Variants in DNAI1 observed in about 807,000 individuals in gnomAD.
DNAI1 encodes the protein dynein axonemal intermediate chain 1, also known as dynein, axonemal, intermediate polypeptide 1.
A neutral mutation model predicts 92.0 loss-of-function variants in DNAI1; 67 were observed. The observed-to-expected ratio is 0.73, with a 90% CI of 0.60 to 0.89. DNAI1 has a LOEUF of 0.89. Among genes scored for constraint, DNAI1 ranks in the 40% least tolerant of loss-of-function variants. The probability of loss-of-function intolerance (pLI) is 0.00; values close to 1 mark genes in which losing one functional copy is unlikely to be tolerated. For missense variants in DNAI1, 839 were observed against 866.6 expected (o/e 0.97, Z 0.40); for synonymous variants, 323 against 319.6 (o/e 1.01, Z -0.11).
chr9:34,468,216 C>G (rs569916334), intron 1 of DNAI1, among the ~76,000 whole-genome samples: 8 of 151,510 alleles, frequency 5.3e-5, no homozygotes, highest in Admixed American at 1.3e-4. Flanking sequence ...GCGTCTCGCT[C>G]TGTCTGCCAG....
rs147469181 is a variant in DNAI1 at position 34,514,489 on chromosome 9, C to T, written c.1665C>T (p.Val555=). Residue 555 remains valine (V), a synonymous_variant, in exon 17 of 20, where the codon GTC becomes GTT. Coordinates refer to ENST00000242317, the MANE Select transcript of DNAI1 (RefSeq NM_012144.4). ...CCTGGAACCCATACCACACCAAGGT[C>T]TTCATGTCCTGCAGCTCCGACTGGA... ...TVSWNPYHTK[V]FMSCSSDWTV... The T allele has an allele frequency of 6.2e-6, 10 of 1,614,122 alleles. No individual in the cohort carries two copies. Among genetic ancestry groups the T allele is most frequent in the Non-Finnish European group, 8.5e-6 (10 of 1,180,060 alleles).
intron 10 of DNAI1, among the ~76,000 whole-genome samples, chr9:34,498,463 T>C (rs1824767416): frequency 6.6e-6 from 1 of 152,262 alleles, no homozygotes; most frequent in Non-Finnish European, 1.5e-5. Context: ...GCAAAGCCAC[T>C]GAGCCGGAAG....
At chr9:34,482,754 C>T (rs564098632) in intron 1 of DNAI1, among the ~76,000 whole-genome samples, 5 of 152,274 alleles carry the variant, frequency 3.3e-5, no homozygotes, top group South Asian at 2.1e-4. Flanking sequence ...AGTCCTGCGC[C>T]TTGCGCTCGC....
chr9:34,513,246 G>A, intron 16 of DNAI1, 55 bp downstream of exon 16: 8 of 1,374,184 alleles, frequency 5.8e-6, no homozygotes, highest in Non-Finnish European at 8.3e-6. Flanking sequence ...GAGCACCTGG[G>A]GAGCTTAGAG....
chr9:34,499,607 C>A (rs943450922), intron 10 of DNAI1, among the ~76,000 whole-genome samples: 1 of 152,000 alleles, frequency 6.6e-6, no homozygotes, highest in Admixed American at 6.6e-5. Context: ...AGGGCTGGAA[C>A]AGAGGAAGAA....
chr9:34,508,378 C>T (rs570892048), intron 13 of DNAI1, among the ~76,000 whole-genome samples: 3 of 152,216 alleles, frequency 2.0e-5, no homozygotes, highest in East Asian at 3.8e-4. Flanking sequence ...TCCTGCCATA[C>T]GCCCTCCCCG....
Position 34,490,486 on chromosome 9 carries a change from C to T in DNAI1, c.619C>T (p.Arg207Trp), listed in dbSNP as rs749119217. The T allele has an allele frequency of 5.7e-5, 92 of 1,613,950 alleles. No homozygotes were observed. The highest frequency in any genetic ancestry group is 6.9e-5 in the Non-Finnish European group (81 of 1,180,050). Residue 207 changes from arginine to tryptophan, a missense_variant and splice_region_variant, in exon 7 of 20, where the codon CGG becomes TGG. Physicochemically the swap from Arg to Trp is moderately radical, Grantham distance 101 (BLOSUM62 -3). Transcript: ENST00000242317. ...RASQTYNNPV[R>W]DRECQTEPPP... is the part of the protein sequence containing the mutation. ...CTCACAGACCTACAACAACCCTGTCCGGGTAGAGCAGCCCCCACCCTAGCC... is the reference window on the plus strand; with the variant it reads ...CTCACAGACCTACAACAACCCTGTCTGGGTAGAGCAGCCCCCACCCTAGCC...
chr9:34,490,403 C>T lies in DNAI1; in HGVS notation c.536C>T (p.Thr179Ile). The part of the protein sequence containing the change: ...AEKVTEEELM[T>I]PKQPKERKLT... Reference sequence around the variant, plus strand: ...AAAGTGACTGAAGAAGAATTGATGACTCCTAAGCAGCCCAAGGAGAGAAAG... The same window carrying T: ...AAAGTGACTGAAGAAGAATTGATGATTCCTAAGCAGCCCAAGGAGAGAAAG... Residue 179 changes from threonine (T) to isoleucine (I), a missense_variant, in exon 7 of 20, where the codon ACT becomes ATT. Thr to Ile is a moderately conservative substitution (Grantham distance 89, BLOSUM62 -1). Coordinates refer to ENST00000242317, the MANE Select transcript of DNAI1 (RefSeq NM_012144.4). 1 of 1,614,176 alleles carries T rather than the reference C, an allele frequency of 6.2e-7. No individual in the cohort carries two copies. The highest frequency in any genetic ancestry group is 1.1e-5 in the South Asian group (1 of 91,078).
At chr9:34,506,601 C>T in intron 12 of DNAI1, 26 bp from the exon 13 acceptor site, 1 of 1,614,016 alleles carries the variant, frequency 6.2e-7, no homozygotes, top group Non-Finnish European at 8.5e-7. Context: ...ATCCTCCAAC[C>T]TCAGCCGCCC....
At chr9:34,491,363 T>TTTAC in intron 7 of DNAI1, 132 bp from the exon 8 acceptor site, 1 of 897,508 alleles carries the variant, frequency 1.1e-6, no homozygotes, top group Non-Finnish European at 1.8e-6. Context: ...CAAGCCCCTC[T>TTTAC]TTACTTCCCC....
chr9:34,492,493 G>GATAGATAGAT (rs1554688186), intron 8 of DNAI1, among the ~76,000 whole-genome samples: 13 of 68,260 alleles, frequency 1.9e-4, no homozygotes, highest in African/African-American at 6.1e-4. Context: ...GGGATATGAA[G>GATAGATAGAT]ATATATATAT....
intron 1 of DNAI1, among the ~76,000 whole-genome samples, chr9:34,473,700 G>A (rs1343277327): frequency 6.6e-6 from 1 of 152,084 alleles, no homozygotes; most frequent in Non-Finnish European, 1.5e-5. Context: ...TGGTTGGTTG[G>A]TTGGTTGGTT....
At chr9:34,504,845 A>G (rs531986444) in intron 12 of DNAI1, among the ~76,000 whole-genome samples, 1 of 152,286 alleles carries the variant, frequency 6.6e-6, no homozygotes, top group South Asian at 2.1e-4. Flanking sequence ...ACGTCCTAAC[A>G]CAAGGGGAAT....
chr9:34,469,820 T>G (rs1395387704), intron 1 of DNAI1, among the ~76,000 whole-genome samples: 1 of 152,190 alleles, frequency 6.6e-6, no homozygotes, highest in Non-Finnish European at 1.5e-5. Context: ...CCTCAAGTGA[T>G]CCTACTGTCT....
At chr9:34,509,062 G>A (rs1311931283) in intron 13 of DNAI1, among the ~76,000 whole-genome samples, 1 of 152,080 alleles carries the variant, frequency 6.6e-6, no homozygotes, top group Non-Finnish European at 1.5e-5. Context: ...GATCTCTGGA[G>A]TTCCTACTGG....
intron 1 of DNAI1, among the ~76,000 whole-genome samples, chr9:34,481,725 C>T (rs563019140): frequency 5.3e-5 from 8 of 151,976 alleles, no homozygotes; most frequent in Non-Finnish European, 1.2e-4. Context: ...TAAGATAGCG[C>T]GTCTGGAGTT....
At chr9:34,460,999 C>T (rs1362896893) in intron 1 of DNAI1, among the ~76,000 whole-genome samples, 1 of 152,176 alleles carries the variant, frequency 6.6e-6, no homozygotes, top group Non-Finnish European at 1.5e-5. Context: ...TGCCACCACG[C>T]CCAGCTAATT....
intron 7 of DNAI1, 145 bp downstream of exon 7, chr9:34,490,633 CT>C: frequency 8.2e-7 from 1 of 1,226,796 alleles, no homozygotes; most frequent in Admixed American, 1.7e-5. Context: ...CCAAGGAGAG[CT>C]GAGAGCATGT....
Position 34,501,190 on chromosome 9 carries a change from T to A in DNAI1, c.1063+9T>A. ...AGTGGGATATGGCTCTTGTAAGTGA[T>A]CTGACTATTCATTTATTTGCTCATG... On this transcript the variant is annotated intron_variant, in intron 12 of 19. Coordinates refer to ENST00000242317, the MANE Select transcript of DNAI1 (RefSeq NM_012144.4). 1.2e-6 allele frequency: 2 copies of A among 1,608,234 alleles called. No homozygotes were observed. Among genetic ancestry groups the A allele is most frequent in the South Asian group, 1.1e-5 (1 of 90,974 alleles).
Sources: gnomAD v4.1 joint callset for allele counts (sites outside exome capture counted in the v4.1 genomes callset) on GRCh38, gnomAD v4.1.1 for gene constraint, MANE v1.5 for transcripts, NCBI Gene and HGNC (gene_info 2026-07-23, HGNC 2026-07-21) for gene names.